Variants in TNS3 observed in about 807,000 individuals in gnomAD.
The protein encoded by TNS3 is tensin-3.
In TNS3, 45 loss-of-function variants were observed where a neutral mutation model predicts 140.9. The ratio of observed to expected loss-of-function variants is 0.32; its 90% CI spans 0.25 to 0.41. The LOEUF is 0.41. TNS3 is among the 10% of genes least tolerant of loss of function. The pLI is 1.00. For synonymous variants in TNS3, 815 were observed against 788.4 expected (o/e 1.03, Z -0.56); for missense variants, 1,716 against 1,906.7 (o/e 0.90, Z 1.86).
chr7:47,312,372 T>C (rs1787153089), intron 20 of TNS3, among the ~76,000 whole-genome samples: 1 of 152,194 alleles, frequency 6.6e-6, no homozygotes, highest in Non-Finnish European at 1.5e-5. Context: ...ATGACTTATC[T>C]CCATTTGTGT....
At chr7:47,480,658 T>C (rs1345766510) in intron 4 of TNS3, among the ~76,000 whole-genome samples, 1 of 146,406 alleles carries the variant, frequency 6.8e-6, no homozygotes, top group Non-Finnish European at 1.5e-5. Flanking sequence ...CAATCTGATT[T>C]GAACACACAC....
intron 3 of TNS3, among the ~76,000 whole-genome samples, chr7:47,488,884 G>C (rs1027106287): frequency 1.3e-5 from 2 of 152,108 alleles, no homozygotes; most frequent in Admixed American, 1.3e-4. Context: ...CAGGGGGCTA[G>C]GTAGAGGGTT....
At chr7:47,581,239 C>A (rs1456317988) in intron 1 of TNS3, among the ~76,000 whole-genome samples, 1 of 152,076 alleles carries the variant, frequency 6.6e-6, no homozygotes, top group Non-Finnish European at 1.5e-5. Context: ...CGGGACCCTC[C>A]CTCCTCCTGC....
At chr7:47,300,781 G>C (rs1786355170) in intron 23 of TNS3, among the ~76,000 whole-genome samples, 1 of 152,214 alleles carries the variant, frequency 6.6e-6, no homozygotes, top group South Asian at 2.1e-4. Context: ...CAGTCATCGG[G>C]ATTCTTGAGA....
chr7:47,483,318 CG>C (rs1447633634), intron 3 of TNS3, among the ~76,000 whole-genome samples: 1 of 151,952 alleles, frequency 6.6e-6, no homozygotes, highest in Non-Finnish European at 1.5e-5. Context: ...TACAGGCGCC[CG>C]CCACCACGCC....
At chr7:47,283,914 G>C (rs1232959711) in intron 27 of TNS3, 49 bp from the exon 28 acceptor site, 3 of 1,487,094 alleles carry the variant, frequency 2.0e-6, no homozygotes, top group African/African-American at 1.4e-5. Flanking sequence ...ATTGGGACAG[G>C]TGTGTCCTGT....
intron 4 of TNS3, among the ~76,000 whole-genome samples, chr7:47,443,897 G>C (rs1795592565): frequency 1.3e-5 from 2 of 152,170 alleles, no homozygotes; most frequent in East Asian, 3.9e-4. Flanking sequence ...CTCCAGCCTG[G>C]GCAACAGAGC....
At position 47,334,270 on chromosome 7, in the gene TNS3, C is replaced by A. The variant is rs368050597; in HGVS notation, c.2650+10485G>T. ...GAGGCTGCATGCTTGGAAGCCAGGC[C>A]CCTAAAATGCCTACACCCTACTCTC... On this transcript the variant is annotated intron_variant, in intron 20 of 30. Transcript: ENST00000311160. 2.2e-3 allele frequency among the ~76,000 whole-genome samples: 337 copies of A among 152,232 alleles called. No individual in the cohort carries two copies. In the South Asian group the frequency reaches 0.025, roughly 11 times the overall value.
intron 4 of TNS3, among the ~76,000 whole-genome samples, chr7:47,464,952 G>A (rs59131742): frequency 0.018 from 2,815 of 152,246 alleles, 80 homozygotes; most frequent in African/African-American, 0.064. Flanking sequence ...TCACTCTCTT[G>A]AATCACAATC....
At chr7:47,443,066 C>T (rs1280747412) in intron 4 of TNS3, among the ~76,000 whole-genome samples, 1 of 152,210 alleles carries the variant, frequency 6.6e-6, no homozygotes, top group Non-Finnish European at 1.5e-5. Flanking sequence ...CTCAGCCTCC[C>T]AAGACAGGGG....
chr7:47,318,123 C>T (rs138569515), intron 20 of TNS3, among the ~76,000 whole-genome samples: 15 of 152,344 alleles, frequency 9.8e-5, no homozygotes, highest in African/African-American at 3.6e-4. Context: ...CACCATCCCA[C>T]TTTCTGTATG....
chr7:47,442,974 G>A (rs772226979), intron 4 of TNS3, among the ~76,000 whole-genome samples: 16 of 152,146 alleles, frequency 1.1e-4, no homozygotes, highest in Non-Finnish European at 1.8e-4. Flanking sequence ...TGTATATTTC[G>A]GAGACCAACA....
At chr7:47,564,026 T>C (rs1800371400) in intron 1 of TNS3, among the ~76,000 whole-genome samples, 1 of 107,330 alleles carries the variant, frequency 9.3e-6, no homozygotes, top group Admixed American at 9.4e-5. Context: ...ACCCCGTCTC[T>C]ACTAAAAATA....
chr7:47,493,880 C>A (rs1170935761), intron 3 of TNS3, among the ~76,000 whole-genome samples: 2 of 151,518 alleles, frequency 1.3e-5, no homozygotes, highest in Non-Finnish European at 2.9e-5. Flanking sequence ...CCTAAGAGCT[C>A]ACAACTTATC....
chr7:47,297,201 A>C lies in TNS3; in HGVS notation c.3557T>G (p.Leu1186Trp), dbSNP rs1279176842. ...GAATGAGCCCGGCTCCTTGTCCTTC[A>C]ACATGGCGATGGCTGGAGAAAGGGA... is the stretch of plus-strand genomic sequence containing the variant. ...DISREQAIAM[L>W]KDKEPGSFIV... Residue 1186 changes from leucine (L) to tryptophan (W), a missense_variant, in exon 24 of 31, where the codon TTG (leucine) becomes TGG (tryptophan). Leu to Trp is a moderately conservative substitution (Grantham distance 61). Transcript: ENST00000311160. The C allele has an allele frequency of 6.2e-7, 1 of 1,612,034 alleles. No homozygotes were observed. The highest frequency in any genetic ancestry group is 1.1e-5 in the South Asian group (1 of 90,808).
At chr7:47,321,530 C>T (rs1017221577) in intron 20 of TNS3, among the ~76,000 whole-genome samples, 2 of 152,172 alleles carry the variant, frequency 1.3e-5, no homozygotes, top group Non-Finnish European at 2.9e-5. Context: ...GCTATAATTG[C>T]TCCAATATAA....
At position 47,494,027 on chromosome 7, in the gene TNS3, G is replaced by A. The variant is rs114991430; in HGVS notation, c.-115+12880C>T. ...CTGCCACCCCTGTTCACAAAATCTT[G>A]ATAATGGCATTCCATTTAACTCTAA... On this transcript the variant is annotated intron_variant, in intron 3 of 30. Transcript: ENST00000311160. Among the ~76,000 whole-genome samples the A allele has an allele frequency of 8.8e-3, 1,336 of 152,310 alleles. 21 individuals are homozygous for A. The highest frequency in any genetic ancestry group is 0.031 in the African/African-American group (1,280 of 41,564).
At chr7:47,297,507 T>C (rs2150665065) in intron 23 of TNS3, among the ~76,000 whole-genome samples, 1 of 152,300 alleles carries the variant, frequency 6.6e-6, no homozygotes, top group East Asian at 1.9e-4. Flanking sequence ...GGCACTGTCC[T>C]GTGGGCTGCC....
At chr7:47,439,991 G>A (rs76412039) in intron 5 of TNS3, among the ~76,000 whole-genome samples, 2 of 152,022 alleles carry the variant, frequency 1.3e-5, no homozygotes, top group Admixed American at 1.3e-4. Flanking sequence ...GACTCTTTGT[G>A]GTTACACTGG....
Sources: gnomAD v4.1 joint callset for allele counts (sites outside exome capture counted in the v4.1 genomes callset) on GRCh38, gnomAD v4.1.1 for gene constraint, MANE v1.5 for transcripts, NCBI Gene and HGNC (gene_info 2026-07-23, HGNC 2026-07-21) for gene names.